The following IQGAP2 variants were observed in gnomAD, a reference collection of about 807,000 sequenced individuals.
IQGAP2 encodes IQ motif containing GTPase activating protein 2.
IQGAP2 carries 173 observed loss-of-function variants against 201.3 expected under a neutral mutation model. That is an observed-to-expected ratio of 0.86 (90% CI 0.76 to 0.98). The LOEUF (loss-of-function observed/expected upper bound fraction) is 0.98. IQGAP2 is among the 50% of genes least tolerant of loss of function. The pLI is 0.00. For synonymous variants in IQGAP2, 675 were observed against 673.9 expected, an observed-to-expected ratio of 1.00 and a Z score of -0.03; for missense variants, 1,687 against 1,864.8, an observed-to-expected ratio of 0.90 and a Z score of 1.76.
chr5:76,625,118 T>G (rs918736881), intron 13 of IQGAP2, among the ~76,000 whole-genome samples: 1 of 152,230 alleles, frequency 6.6e-6, no homozygotes. Flanking sequence ...CTTTTGGTTT[T>G]ACATTTAACT....
intron 2 of IQGAP2, among the ~76,000 whole-genome samples, chr5:76,529,411 T>G (rs1348670888): frequency 6.6e-6 from 1 of 151,864 alleles, no homozygotes; most frequent in Non-Finnish European, 1.5e-5. Context: ...GGGCAGATCA[T>G]GAGGTCAGGA....
chr5:76,543,068 A>G (rs1742875044), intron 2 of IQGAP2, among the ~76,000 whole-genome samples: 1 of 152,190 alleles, frequency 6.6e-6, no homozygotes, highest in South Asian at 2.1e-4. Flanking sequence ...GCCGCTTCAG[A>G]TCCTGTGTCT....
chr5:76,403,469 G>T lies in IQGAP2; in HGVS notation c.-77G>T, dbSNP rs1750618745. 2 of 1,162,842 alleles carry T rather than the reference G, an allele frequency of 1.7e-6. No individual in the cohort carries two copies. Among genetic ancestry groups the T allele is most frequent in the Admixed American group, 4.2e-5 (1 of 23,764 alleles). 72.0% of individuals were successfully genotyped at this position (1,162,842 alleles called of 1,614,324 possible). ...GGCGGGATCCGAGCGCGCCGGCGGG[G>T]CGCAGAGCCCGCGAGCCTGGCCAGC... On this transcript the variant is annotated 5_prime_UTR_variant, in exon 1 of 36. Coordinates refer to ENST00000274364, the MANE Select transcript of IQGAP2 (RefSeq NM_006633.5). The surrounding 1 kb of genome is among the most constrained non-coding windows in gnomAD (Gnocchi z 4.8).
intron 30 of IQGAP2, among the ~76,000 whole-genome samples, chr5:76,685,317 A>G (rs116723054): frequency 0.012 from 1,803 of 152,330 alleles, 35 homozygotes; most frequent in African/African-American, 0.041. Context: ...TGCCATGTAA[A>G]TGAAATTAGG....
At chr5:76,637,599 A>G (rs1276563097) in intron 16 of IQGAP2, among the ~76,000 whole-genome samples, 2 of 152,238 alleles carry the variant, frequency 1.3e-5, no homozygotes, top group Admixed American at 6.5e-5. Context: ...AAAGTGCTGG[A>G]GAGGGCATCT....
rs554623270 is a variant in IQGAP2, at chr5:76,570,362, C to T, written c.304-218C>T. ...ATTCTAGTTCAGAATTTACCTCAAA[C>T]GTGTGAATTATGGAAATTCATGGTT... is the stretch of plus-strand genomic sequence containing the variant. On this transcript the variant is annotated intron_variant, in intron 3 of 35. Transcript: ENST00000274364. 2.6e-5 allele frequency among the ~76,000 whole-genome samples: 4 copies of T among 152,272 alleles called. No individual in the cohort carries two copies. In the East Asian group the frequency reaches 5.8e-4, roughly 22 times the overall value.
chr5:76,455,282 C>T (rs1344046266), intron 1 of IQGAP2, among the ~76,000 whole-genome samples: 1 of 151,680 alleles, frequency 6.6e-6, no homozygotes, highest in Non-Finnish European at 1.5e-5. Context: ...AACCCTGTCT[C>T]TACTAAAAAT....
intron 23 of IQGAP2, among the ~76,000 whole-genome samples, chr5:76,670,476 T>C (rs1290383437): frequency 6.6e-6 from 1 of 152,150 alleles, no homozygotes; most frequent in Admixed American, 6.5e-5. Flanking sequence ...ATCGCGCCAC[T>C]GCACTCCAGC....
chr5:76,422,080 C>T (rs1751760868), intron 1 of IQGAP2, among the ~76,000 whole-genome samples: 1 of 152,134 alleles, frequency 6.6e-6, no homozygotes, highest in Admixed American at 6.5e-5. Flanking sequence ...AATTCCAATA[C>T]ACCAGAAACT....
At chr5:76,693,269 G>C in intron 30 of IQGAP2, 86 bp from the exon 31 acceptor site, 2 of 768,232 alleles carry the variant, frequency 2.6e-6, no homozygotes, top group Non-Finnish European at 4.4e-6. Flanking sequence ...AGTATTGTAT[G>C]TGTTTGTGCA....
At chr5:76,636,889 C>A in intron 15 of IQGAP2, 145 bp from the exon 16 acceptor site, 1 of 512,148 alleles carries the variant, frequency 2.0e-6, no homozygotes, top group Non-Finnish European at 3.2e-6. Context: ...GAATTCATTC[C>A]ATGTTAGTGG....
At chr5:76,615,078 T>C (rs1037419175) in intron 13 of IQGAP2, among the ~76,000 whole-genome samples, 9 of 152,212 alleles carry the variant, frequency 5.9e-5, no homozygotes, top group Non-Finnish European at 1.2e-4. Context: ...ACTTGAGTAA[T>C]GGTCATGTTG....
At chr5:76,517,206 G>C (rs1449861496) in intron 2 of IQGAP2, among the ~76,000 whole-genome samples, 1 of 151,996 alleles carries the variant, frequency 6.6e-6, no homozygotes, top group African/African-American at 2.4e-5. Flanking sequence ...ATATGCCATA[G>C]TTCAAAATAT....
chr5:76,684,041 A>G, intron 30 of IQGAP2, 124 bp downstream of exon 30: 1 of 788,356 alleles, frequency 1.3e-6, no homozygotes, highest in South Asian at 3.2e-5. Context: ...TATTATGTAT[A>G]TCCATCAAAC....
chr5:76,494,693 T>C (rs951586733), intron 2 of IQGAP2, among the ~76,000 whole-genome samples: 31 of 152,204 alleles, frequency 2.0e-4, no homozygotes, highest in African/African-American at 7.5e-4. Context: ...TGTTTTGTTT[T>C]GTTTTGGTCT....
chr5:76,669,628 T>G (rs1744115029), intron 23 of IQGAP2, among the ~76,000 whole-genome samples: 1 of 152,104 alleles, frequency 6.6e-6, no homozygotes, highest in Non-Finnish European at 1.5e-5. Flanking sequence ...CTACAATTTT[T>G]ATAAGAAGAG....
At chr5:76,485,651 G>A (rs1756083878) in intron 2 of IQGAP2, among the ~76,000 whole-genome samples, 1 of 152,182 alleles carries the variant, frequency 6.6e-6, no homozygotes, top group Admixed American at 6.5e-5. Context: ...GAATGTCCAT[G>A]TAGTCATTGG....
intron 2 of IQGAP2, among the ~76,000 whole-genome samples, chr5:76,503,225 GT>G (rs1757391733): frequency 7.2e-6 from 1 of 138,578 alleles, no homozygotes. Flanking sequence ...CCAGGCTGGA[GT>G]GCAATGGTGC....
At position 76,700,988 on chromosome 5, in the gene IQGAP2, C is replaced by T. The variant is rs73127576; in HGVS notation, c.4368-88C>T. 4.7e-3 allele frequency: 6,440 copies of T among 1,373,374 alleles called. 114 individuals carry two copies. Among genetic ancestry groups the T allele is most frequent in the Admixed American group, 0.038 (1,982 of 52,332 alleles). 85.1% of individuals were successfully genotyped at this position (1,373,374 alleles called of 1,614,324 possible). A position where few individuals can be genotyped will look rare whatever the true frequency, so the allele number is the denominator to read the frequency against. ...CGCTCTGAGGGCCAGGTATGAACAG[C>T]GATGTCACTCTGAGTATGGTAATCG... On this transcript the variant is annotated intron_variant, in intron 33 of 35. Coordinates refer to ENST00000274364, the MANE Select transcript of IQGAP2 (RefSeq NM_006633.5).
Sources: allele counts gnomAD v4.1 joint callset (sites outside exome capture counted in the v4.1 genomes callset), GRCh38; gene constraint gnomAD v4.1.1; non-coding constraint Gnocchi (gnomAD v3.1); transcripts MANE v1.5; gene names NCBI Gene and HGNC (gene_info 2026-07-23, HGNC 2026-07-21).